MGAT5: variants seen among roughly 807,000 people sequenced by gnomAD.
MGAT5 encodes alpha-1,6-mannosylglycoprotein 6-beta-N-acetylglucosaminyltransferase.
MGAT5 carries 30 observed loss-of-function variants against 94.3 expected under a neutral mutation model. The ratio of observed to expected loss-of-function variants is 0.32; its 90% CI spans 0.24 to 0.43. The LOEUF is 0.43. Ranked by LOEUF, MGAT5 falls within the 20% of genes least tolerant of loss-of-function variation. The probability of loss-of-function intolerance (pLI) is 1.00; values close to 1 mark genes in which losing one functional copy is unlikely to be tolerated. For missense variants in MGAT5, 691 were observed against 905.5 expected (o/e 0.76, Z 3.04); for synonymous variants, 310 against 322.9 (o/e 0.96, Z 0.43).
chr2:134,144,629 G>C (rs114472004), intron 1 of MGAT5, among the ~76,000 whole-genome samples: 1 of 152,066 alleles, frequency 6.6e-6, no homozygotes, highest in Non-Finnish European at 1.5e-5. Context: ...AAATGTAAAA[G>C]CTTTAATTTA....
chr2:134,176,213 G>C (rs146396444), intron 1 of MGAT5, among the ~76,000 whole-genome samples: 27 of 151,870 alleles, frequency 1.8e-4, no homozygotes, highest in Non-Finnish European at 3.7e-4. Context: ...GATTGGGAAG[G>C]GGGTGTGGAG....
chr2:134,174,716 C>G (rs1006087980), intron 1 of MGAT5, among the ~76,000 whole-genome samples: 1 of 152,234 alleles, frequency 6.6e-6, no homozygotes. Flanking sequence ...AGATTTCTTC[C>G]TGTGCTTCCC....
upstream of MGAT5, among the ~76,000 whole-genome samples, chr2:134,250,217 A>T (rs923230320): frequency 1.3e-5 from 2 of 152,184 alleles, no homozygotes; most frequent in African/African-American, 2.4e-5. Context: ...CTGCAAACAG[A>T]CTTGGTGCAA....
In MGAT5 at chr2:134,338,365, A is replaced by G. The variant is rs199697639; in HGVS notation, c.752A>G (p.Gln251Arg). 5.0e-6 allele frequency: 8 copies of G among 1,612,882 alleles called. No homozygotes were observed. The highest frequency in any genetic ancestry group is 1.3e-5 in the African/African-American group (1 of 74,976). The change falls in exon 6 of 16, where the codon CAA becomes CGA. Residue 251 changes from glutamine (Q) to arginine (R), a missense_variant. Gln to Arg is a conservative substitution (Grantham distance 43, BLOSUM62 1). Coordinates refer to ENST00000281923, the MANE Select transcript of MGAT5 (RefSeq NM_002410.5). ...RIRRMADAWI[Q>R]AIKSLAEKQN... ...CGGCGAATGGCTGACGCATGGATCC[A>G]AGCAATCAAGTCCCTGGCAGAAAAG...
intron 10 of MGAT5, among the ~76,000 whole-genome samples, chr2:134,372,927 G>A (rs150690452): frequency 1.3e-5 from 2 of 152,354 alleles, no homozygotes; most frequent in East Asian, 3.9e-4. Context: ...GGAAGCTGGA[G>A]GCTCAGGCAG....
intron 1 of MGAT5, among the ~76,000 whole-genome samples, chr2:134,188,093 T>C (rs1046844097): frequency 6.6e-6 from 1 of 152,242 alleles, no homozygotes; most frequent in African/African-American, 2.4e-5. Context: ...TTCAGGGAAA[T>C]AGTTAACCTC....
At chr2:134,395,126 T>C (rs1218553111) in intron 10 of MGAT5, among the ~76,000 whole-genome samples, 1 of 152,200 alleles carries the variant, frequency 6.6e-6, no homozygotes, top group East Asian at 1.9e-4. Context: ...CTTTGTTGCT[T>C]TAGGACCATG....
At chr2:134,190,153 G>A (rs1461866573) in intron 1 of MGAT5, among the ~76,000 whole-genome samples, 1 of 152,182 alleles carries the variant, frequency 6.6e-6, no homozygotes, top group East Asian at 1.9e-4. Context: ...TGGACATGGG[G>A]TGCTGGCTTG....
intron 4 of MGAT5, among the ~76,000 whole-genome samples, chr2:134,331,398 A>G (rs983827301): frequency 6.6e-6 from 1 of 152,100 alleles, no homozygotes; most frequent in African/African-American, 2.4e-5. Context: ...AGATTAGTTC[A>G]TGTCAGAGTT....
rs1488311318 is a variant in MGAT5 at position 134,452,578 on chromosome 2, G to A, written c.*3731G>A. 2.0e-5 allele frequency: 3 copies of A among 152,196 alleles called. No individual in the cohort carries two copies. In the East Asian group the frequency reaches 5.8e-4, roughly 29 times the overall value. The allele number at this position is 152,196 out of a possible 1,614,324, so 9.4% of individuals were successfully genotyped here. On this transcript the variant is annotated 3_prime_UTR_variant, in exon 16 of 16. Transcript: ENST00000281923. Reference sequence around the variant, plus strand: ...ACTGTATGTCTGTAGGTAGGTGTGTGCCTTTTAGGGCAGACCACGGTGGCC... The same window carrying A: ...ACTGTATGTCTGTAGGTAGGTGTGTACCTTTTAGGGCAGACCACGGTGGCC...
At chr2:134,293,938 T>TA (rs1345433525) in intron 2 of MGAT5, among the ~76,000 whole-genome samples, 1 of 151,972 alleles carries the variant, frequency 6.6e-6, no homozygotes, top group Non-Finnish European at 1.5e-5. Context: ...AGTAGGGAGG[T>TA]AGGAGGGCTG....
chr2:134,309,433 A>G (rs963105449), intron 2 of MGAT5, among the ~76,000 whole-genome samples: 1 of 152,248 alleles, frequency 6.6e-6, no homozygotes, highest in Non-Finnish European at 1.5e-5. Context: ...TATTTCTACT[A>G]GTTGAGGGTT....
At chr2:134,266,974 T>C (rs1053423403) in intron 1 of MGAT5, among the ~76,000 whole-genome samples, 4 of 152,252 alleles carry the variant, frequency 2.6e-5, no homozygotes, top group African/African-American at 9.6e-5. Flanking sequence ...TAAAAAAATC[T>C]TGGATCACTT....
chr2:134,397,692 T>A (rs1682797815), intron 10 of MGAT5, among the ~76,000 whole-genome samples: 1 of 152,134 alleles, frequency 6.6e-6, no homozygotes, highest in African/African-American at 2.4e-5. Flanking sequence ...GTGTGAGCAC[T>A]GACTGAAAAA....
chr2:134,299,592 A>G (rs1453684407), intron 2 of MGAT5, among the ~76,000 whole-genome samples: 8 of 152,294 alleles, frequency 5.3e-5, no homozygotes, highest in Non-Finnish European at 2.9e-5. Flanking sequence ...ATGAACTACA[A>G]GTGTTGGTAA....
chr2:134,241,268 C>T (rs553469812), intron 1 of MGAT5, among the ~76,000 whole-genome samples: 1 of 152,356 alleles, frequency 6.6e-6, no homozygotes, highest in East Asian at 1.9e-4. Flanking sequence ...AAAGAAGGAG[C>T]AGACATAATT....
chr2:134,316,499 T>C (rs146330823), intron 2 of MGAT5, among the ~76,000 whole-genome samples: 5 of 152,334 alleles, frequency 3.3e-5, no homozygotes, highest in African/African-American at 1.2e-4. Flanking sequence ...ATGCCTGTTA[T>C]ACTGTTGTTA....
At chr2:134,192,492 T>G (rs905962541) in intron 1 of MGAT5, among the ~76,000 whole-genome samples, 6 of 152,124 alleles carry the variant, frequency 3.9e-5, no homozygotes, top group Admixed American at 1.3e-4. Context: ...TTGCTAGTTT[T>G]GGGGATGTAA....
intron 4 of MGAT5, among the ~76,000 whole-genome samples, chr2:134,333,572 CT>C (rs955872349): frequency 3.9e-4 from 59 of 151,836 alleles, no homozygotes; most frequent in African/African-American, 1.4e-3. Flanking sequence ...TACCCTAAAA[CT>C]TAAAGTATAA....
Sources: gnomAD v4.1 joint callset for allele counts (sites outside exome capture counted in the v4.1 genomes callset) on GRCh38, gnomAD v4.1.1 for gene constraint, MANE v1.5 for transcripts, NCBI Gene and HGNC (gene_info 2026-07-23, HGNC 2026-07-21) for gene names.